Variants in GRM7 observed in about 807,000 individuals in gnomAD.
GRM7 encodes the protein metabotropic glutamate receptor 7.
A neutral mutation model predicts 84.5 loss-of-function variants in GRM7; 35 were observed. The ratio of observed to expected loss-of-function variants is 0.41; its 90% CI spans 0.32 to 0.55. The LOEUF (loss-of-function observed/expected upper bound fraction) is 0.55. Among genes scored for constraint, GRM7 ranks in the 20% least tolerant of loss-of-function variants. The pLI is 0.19. For synonymous variants in GRM7, 487 were observed against 455.1 expected (o/e 1.07, Z -0.89); for missense variants, 1,003 against 1,194.6 (o/e 0.84, Z 2.36).
intron 4 of GRM7, among the ~76,000 whole-genome samples, chr3:7,355,561 C>T (rs1335604992): frequency 6.6e-6 from 1 of 152,054 alleles, no homozygotes; most frequent in East Asian, 1.9e-4. Flanking sequence ...TAACTACTCT[C>T]CTTTAGAGAG....
chr3:6,920,978 G>C (rs76423851), intron 1 of GRM7, among the ~76,000 whole-genome samples: 2,096 of 152,282 alleles, frequency 0.014, 52 homozygotes, highest in African/African-American at 0.048. Flanking sequence ...GAAATCTAAA[G>C]AGGCAAATAA....
chr3:7,509,412 G>A (rs897540069), intron 7 of GRM7, among the ~76,000 whole-genome samples: 4 of 152,134 alleles, frequency 2.6e-5, no homozygotes, highest in Non-Finnish European at 5.9e-5. Flanking sequence ...ATCTAACGGG[G>A]CTACATAGGA....
chr3:6,973,438 AAC>A (rs1047855619), intron 1 of GRM7, among the ~76,000 whole-genome samples: 3 of 152,162 alleles, frequency 2.0e-5, no homozygotes, highest in Non-Finnish European at 4.4e-5. Flanking sequence ...CACACATACA[AAC>A]ACACACATGT....
At chr3:7,661,905 CCT>C (rs1433095503) in intron 8 of GRM7, among the ~76,000 whole-genome samples, 2 of 151,078 alleles carry the variant, frequency 1.3e-5, no homozygotes, top group Non-Finnish European at 2.9e-5. Context: ...TCCAGCCATT[CCT>C]CTCCAAAGTA....
In GRM7 at chr3:7,086,489, G is replaced by A. The variant is rs532389893; in HGVS notation, c.520-59963G>A. ...AAGTGAGAACATTGGGTTTCTAGAAGGCAAAAGTGAAGAATGTATGAAAAA... is the reference window on the plus strand; with the variant it reads ...AAGTGAGAACATTGGGTTTCTAGAAAGCAAAAGTGAAGAATGTATGAAAAA... On this transcript the variant is annotated intron_variant, in intron 1 of 9. Coordinates refer to ENST00000357716, the MANE Select transcript of GRM7 (RefSeq NM_000844.4). Among the ~76,000 whole-genome samples the A allele has an allele frequency of 4.6e-5, 7 of 152,156 alleles. No homozygotes were observed. The East Asian group carries it at 1.4e-3, about 29-fold the overall frequency.
chr3:7,635,913 C>G (rs3864069), intron 8 of GRM7, among the ~76,000 whole-genome samples: 5 of 151,830 alleles, frequency 3.3e-5, no homozygotes, highest in African/African-American at 1.2e-4. Flanking sequence ...CGGCCTCAAG[C>G]GATCCTCCTG....
At position 6,994,706 on chromosome 3, in the gene GRM7, T is replaced by C. The variant is rs149379420; in HGVS notation, c.519+132799T>C. Among the ~76,000 whole-genome samples the C allele has an allele frequency of 1.1e-3, 160 of 152,350 alleles. 2 individuals are homozygous for C. Among genetic ancestry groups the C allele is most frequent in the African/African-American group, 3.6e-3 (149 of 41,582 alleles). ...CTGAACAGGTTTTATTTTTCCTTTGTGGACTTCAGCCAGTGATAGAAACAA... is the reference window on the plus strand; with the variant it reads ...CTGAACAGGTTTTATTTTTCCTTTGCGGACTTCAGCCAGTGATAGAAACAA... On this transcript the variant is annotated intron_variant, in intron 1 of 9. Coordinates refer to ENST00000357716, the MANE Select transcript of GRM7 (RefSeq NM_000844.4).
intron 1 of GRM7, among the ~76,000 whole-genome samples, chr3:7,009,669 T>C (rs969675478): frequency 7.2e-5 from 11 of 152,252 alleles, no homozygotes; most frequent in African/African-American, 2.4e-4. Context: ...CCCAGGTCAA[T>C]ATGCAGTTTT....
At chr3:7,046,732 C>T (rs1696819089) in intron 1 of GRM7, among the ~76,000 whole-genome samples, 1 of 152,004 alleles carries the variant, frequency 6.6e-6, no homozygotes, top group Admixed American at 6.6e-5. Flanking sequence ...ACAATGGATG[C>T]ATTTTTGAGG....
At chr3:7,715,331 G>C (rs549795616) in intron 9 of GRM7, among the ~76,000 whole-genome samples, 1 of 152,198 alleles carries the variant, frequency 6.6e-6, no homozygotes, top group East Asian at 1.9e-4. Flanking sequence ...AATTTAGTCA[G>C]ACATGGTGAC....
intron 2 of GRM7, among the ~76,000 whole-genome samples, chr3:7,186,430 C>G (rs1695517026): frequency 6.6e-6 from 1 of 152,100 alleles, no homozygotes; most frequent in Non-Finnish European, 1.5e-5. Context: ...CAAGAACTTG[C>G]AATAAATTCT....
chr3:7,271,628 G>A (rs1559543157), intron 2 of GRM7, among the ~76,000 whole-genome samples: 1 of 147,980 alleles, frequency 6.8e-6, no homozygotes, highest in Non-Finnish European at 1.5e-5. Flanking sequence ...CAGTGGATCA[G>A]AACCTGGATT....
intron 5 of GRM7, among the ~76,000 whole-genome samples, chr3:7,442,424 TG>T (rs1254071314): frequency 6.6e-6 from 1 of 152,174 alleles, no homozygotes; most frequent in Non-Finnish European, 1.5e-5. Flanking sequence ...AGTTTGACTT[TG>T]TTTCCTATTT....
intron 1 of GRM7, among the ~76,000 whole-genome samples, chr3:6,950,405 G>A (rs954950159): frequency 2.6e-5 from 4 of 152,190 alleles, no homozygotes; most frequent in African/African-American, 4.8e-5. Flanking sequence ...CTACCTGATC[G>A]TTCCTCCGGA....
chr3:7,217,704 A>G (rs1293274694), intron 2 of GRM7, among the ~76,000 whole-genome samples: 1 of 148,950 alleles, frequency 6.7e-6, no homozygotes, highest in African/African-American at 2.4e-5. Context: ...TTTATAATAT[A>G]AAATATTATA....
At chr3:7,621,828 T>C (rs1052617502) in intron 8 of GRM7, among the ~76,000 whole-genome samples, 15 of 152,078 alleles carry the variant, frequency 9.9e-5, no homozygotes, top group Non-Finnish European at 1.8e-4. Flanking sequence ...CAGGCATAAC[T>C]GTGGCAGCCA....
At chr3:7,674,973 G>A (rs329038) in intron 8 of GRM7, among the ~76,000 whole-genome samples, 93,856 of 152,110 alleles carry the variant, frequency 0.62, 29,703 homozygotes, top group East Asian at 0.92. Flanking sequence ...ACAGTGATTT[G>A]CCAAACATGG....
intron 7 of GRM7, among the ~76,000 whole-genome samples, chr3:7,517,858 A>G (rs1301034532): frequency 6.6e-6 from 1 of 152,224 alleles, no homozygotes; most frequent in African/African-American, 2.4e-5. Flanking sequence ...AAGCTCGTCC[A>G]GCTGACATGT....
chr3:7,070,239 T>G (rs1488568531), intron 1 of GRM7, among the ~76,000 whole-genome samples: 1 of 152,102 alleles, frequency 6.6e-6, no homozygotes, highest in Non-Finnish European at 1.5e-5. Flanking sequence ...TGTATTTTAT[T>G]TAGAATATTT....
Sources: allele counts gnomAD v4.1 joint callset (sites outside exome capture counted in the v4.1 genomes callset), GRCh38; gene constraint gnomAD v4.1.1; transcripts MANE v1.5; gene names NCBI Gene and HGNC (gene_info 2026-07-23, HGNC 2026-07-21).